TNIP1: variants seen among roughly 807,000 people sequenced by gnomAD.
TNIP1 encodes TNFAIP3-interacting protein 1.
TNIP1 carries 22 observed loss-of-function variants against 86.6 expected under a neutral mutation model. The observed-to-expected ratio is 0.25, with a 90% confidence interval of 0.18 to 0.36. The LOEUF (loss-of-function observed/expected upper bound fraction) is 0.36. Ranked by LOEUF, TNIP1 falls within the 10% of genes least tolerant of loss-of-function variation. The pLI, the probability that TNIP1 is intolerant of heterozygous loss-of-function variation, is 1.00. For missense variants in TNIP1, 709 were observed against 820.6 expected, an observed-to-expected ratio of 0.86 and a Z score of 1.66; for synonymous variants, 294 against 313.0, an observed-to-expected ratio of 0.94 and a Z score of 0.64.
intron 1 of TNIP1, among the ~76,000 whole-genome samples, chr5:151,086,189 G>A (rs954798392): frequency 3.3e-5 from 5 of 152,126 alleles, no homozygotes; most frequent in African/African-American, 7.2e-5. Context: ...AATCAGACCC[G>A]CTTCCTGCTC....
chr5:151,031,348 A>T (rs752339975), intron 17 of TNIP1, among the ~76,000 whole-genome samples: 7 of 152,160 alleles, frequency 4.6e-5, no homozygotes, highest in Non-Finnish European at 1.0e-4. Flanking sequence ...GTTGCGATGG[A>T]CTTGGCCTCC....
In TNIP1 at chr5:151,033,669, G is replaced by A. The variant is rs765311858; in HGVS notation, c.1718C>T (p.Pro573Leu). 1 of 1,350,072 alleles carries A rather than the reference G, an allele frequency of 7.4e-7. No homozygotes were observed. The highest frequency in any genetic ancestry group is 9.6e-7 in the Non-Finnish European group (1 of 1,039,590). 83.6% of individuals were successfully genotyped at this position (1,350,072 alleles called of 1,614,324 possible). The change falls in exon 16 of 18, where the codon CCC (proline) becomes CTC (leucine). Residue 573 changes from proline (P) to leucine (L), a missense_variant. Physicochemically the swap from Pro to Leu is moderately conservative, Grantham distance 98. Coordinates refer to ENST00000521591, the MANE Select transcript of TNIP1 (RefSeq NM_006058.5). ...GFEDWSQIRY[P>L]PPPMAMEHPP... ...GTGCTCCATGGCCATGGGGGGAGGG[G>A]GGTAGCGGATCTGGGACCAGTCCTC...
chr5:151,074,561 A>C (rs755941147), intron 1 of TNIP1, among the ~76,000 whole-genome samples: 2 of 152,218 alleles, frequency 1.3e-5, no homozygotes, highest in Non-Finnish European at 2.9e-5. Context: ...TAAACCTTAA[A>C]ATGCTACCCA....
At chr5:151,053,547 G>A (rs1296559522) in intron 6 of TNIP1, among the ~76,000 whole-genome samples, 4 of 152,192 alleles carry the variant, frequency 2.6e-5, no homozygotes. Context: ...CTGTGAACTG[G>A]GGGCATGGAA....
intron 3 of TNIP1, 65 bp from the exon 4 acceptor site, chr5:151,062,277 C>T: frequency 6.9e-7 from 1 of 1,446,804 alleles, no homozygotes; most frequent in Non-Finnish European, 9.7e-7. Flanking sequence ...ACCACCCTCT[C>T]AAGGACAGCC....
intron 1 of TNIP1, among the ~76,000 whole-genome samples, chr5:151,079,478 G>T (rs944101961): frequency 3.9e-5 from 6 of 152,114 alleles, no homozygotes; most frequent in Admixed American, 3.9e-4. Flanking sequence ...AAAAAAATTA[G>T]CCGGGGATGG....
At chr5:151,033,940 G>A (rs1757281755) in intron 15 of TNIP1, 141 bp from the exon 16 acceptor site, 1 of 662,536 alleles carries the variant, frequency 1.5e-6, no homozygotes, top group Non-Finnish European at 2.3e-6. Flanking sequence ...ATGAAAGGCT[G>A]CTACATGGGT....
chr5:151,054,611 C>T (rs1445998739), intron 6 of TNIP1, among the ~76,000 whole-genome samples: 2 of 152,136 alleles, frequency 1.3e-5, no homozygotes, highest in Non-Finnish European at 2.9e-5. Flanking sequence ...CCCAGGAGGT[C>T]AAGGCTGTAG....
At position 151,036,598 on chromosome 5, in the gene TNIP1, G is replaced by A. The variant is rs181592163; in HGVS notation, c.1395+192C>T. Among the ~76,000 whole-genome samples the A allele has an allele frequency of 1.5e-3, 231 of 152,310 alleles. 2 individuals are homozygous for A. Among genetic ancestry groups the A allele is most frequent in the African/African-American group, 5.2e-3 (216 of 41,562 alleles). ...TAGAGATGGCTAAATCATAAAGGTG[G>A]TAGAGGAACGACTTAAGCTAGGGTT... On this transcript the variant is annotated intron_variant, in intron 13 of 17. Transcript: ENST00000521591.
chr5:151,052,075 C>T (rs939450923), intron 7 of TNIP1, 90 bp downstream of exon 7: 48 of 1,177,286 alleles, frequency 4.1e-5, no homozygotes, highest in African/African-American at 1.4e-4. Context: ...CTCAGAGCCA[C>T]GGTCCTCAAC....
Position 151,045,868 on chromosome 5 carries a change from C to G in TNIP1, c.929G>C (p.Arg310Pro). 1 of 1,613,982 alleles carries G rather than the reference C, an allele frequency of 6.2e-7. No homozygotes were observed. ...EKKVKMLEQQ[R>P]SELLEVNKQW... ...GCCACCTCGGCCACCTACCTCACTGCGCTGCTGCTCCAGCATCTTCACCTT... is the reference window on the plus strand; with the variant it reads ...GCCACCTCGGCCACCTACCTCACTGGGCTGCTGCTCCAGCATCTTCACCTT... The change falls in exon 9 of 18, where the codon CGC becomes CCC. Residue 310 changes from arginine (R) to proline (P), a missense_variant. Transcript: ENST00000521591.
In TNIP1 at chr5:151,077,534, T is replaced by C. The variant is rs115274322; in HGVS notation, c.-37+3346A>G. Among the ~76,000 whole-genome samples, 1,150 of 152,296 alleles carry C rather than the reference T, an allele frequency of 7.6e-3. 11 individuals are homozygous for C. Among genetic ancestry groups the C allele is most frequent in the African/African-American group, 0.026 (1,078 of 41,538 alleles). ...ATTCCCACCATTCTAGGAGGTAGCATTGACGTCATACAGAGCTGACAGGTG... is the reference window on the plus strand; with the variant it reads ...ATTCCCACCATTCTAGGAGGTAGCACTGACGTCATACAGAGCTGACAGGTG... On this transcript the variant is annotated intron_variant, in intron 1 of 17. Transcript: ENST00000521591.
chr5:151,063,512 C>T lies in TNIP1; in HGVS notation c.271+101G>A, dbSNP rs78501852. 9,780 of 1,511,838 alleles carry T rather than the reference C, an allele frequency of 6.5e-3. 39 individuals are homozygous for T. The highest frequency in any genetic ancestry group is 7.9e-3 in the Non-Finnish European group (8,778 of 1,109,390). 93.7% of individuals were successfully genotyped at this position (1,511,838 alleles called of 1,614,324 possible). On this transcript the variant is annotated intron_variant, in intron 3 of 17. Coordinates refer to ENST00000521591, the MANE Select transcript of TNIP1 (RefSeq NM_006058.5). ...GGGTAGCCTGTGACCTAAGGATAAA[C>T]GAGAGAATGTGGGTTTTGGCATAAG... is the stretch of plus-strand genomic sequence containing the variant.
At position 151,033,667 on chromosome 5, in the gene TNIP1, G is replaced by T. The variant is rs769120189; in HGVS notation, c.1720C>A (p.Pro574Thr). 1.5e-6 allele frequency: 2 copies of T among 1,348,408 alleles called. No individual in the cohort carries two copies. The highest frequency in any genetic ancestry group is 1.5e-5 in the African/African-American group (1 of 66,772). 83.5% of individuals were successfully genotyped at this position (1,348,408 alleles called of 1,614,324 possible). A position where few individuals can be genotyped will look rare whatever the true frequency, so the allele number is the denominator to read the frequency against. The change falls in exon 16 of 18, where the codon CCT (proline) becomes ACT (threonine). Residue 574 changes from proline to threonine, a missense_variant. Transcript: ENST00000521591. ...FEDWSQIRYP[P>T]PPMAMEHPPP... ...GGGTGCTCCATGGCCATGGGGGGAG[G>T]GGGGTAGCGGATCTGGGACCAGTCC...
chr5:151,073,962 A>C (rs1763105850), intron 1 of TNIP1, among the ~76,000 whole-genome samples: 1 of 152,254 alleles, frequency 6.6e-6, no homozygotes, highest in South Asian at 2.1e-4. Flanking sequence ...TGCTACTAGT[A>C]GACTGCTCTA....
intron 1 of TNIP1, among the ~76,000 whole-genome samples, chr5:151,075,270 T>C (rs1763251998): frequency 6.6e-6 from 1 of 152,244 alleles, no homozygotes; most frequent in African/African-American, 2.4e-5. Flanking sequence ...AGTGAGCATG[T>C]AGGTGCCTGC....
chr5:151,079,532 G>C (rs1043289969), intron 1 of TNIP1, among the ~76,000 whole-genome samples: 18 of 152,180 alleles, frequency 1.2e-4, no homozygotes, highest in African/African-American at 4.3e-4. Context: ...GCTGAGGTAG[G>C]AGAATCGCTT....
Position 151,051,563 on chromosome 5 carries a change from T to TGCA in TNIP1, c.722+601_722+602insTGC, listed in dbSNP as rs543898022. Among the ~76,000 whole-genome samples, 54 of 152,322 alleles carry TGCA rather than the reference T, an allele frequency of 3.5e-4. 2 individuals carry two copies. The South Asian group carries it at 9.1e-3, about 26-fold the overall frequency. On this transcript the variant is annotated intron_variant, in intron 7 of 17. Transcript: ENST00000521591. ...TCTGTCTGCATGATCTCCAAGGGCT[T>TGCA]GTCAAGCTCTGACAGTCAAGATCAG...
At chr5:151,067,679 A>T (rs1387216434) in intron 1 of TNIP1, among the ~76,000 whole-genome samples, 1 of 151,810 alleles carries the variant, frequency 6.6e-6, no homozygotes, top group African/African-American at 2.4e-5. Context: ...GAGCAAGTCC[A>T]TCCTGTGTGC....
Sources: allele counts gnomAD v4.1 joint callset (sites outside exome capture counted in the v4.1 genomes callset), GRCh38; gene constraint gnomAD v4.1.1; transcripts MANE v1.5; gene names NCBI Gene and HGNC (gene_info 2026-07-23, HGNC 2026-07-21).